The following TPST2 variants were observed in gnomAD, a reference collection of about 807,000 sequenced individuals.
TPST2 encodes tyrosylprotein sulfotransferase 2, also known as protein-tyrosine sulfotransferase 2.
TPST2 carries 16 observed loss-of-function variants against 27.8 expected under a neutral mutation model. The observed-to-expected ratio is 0.58, with a 90% CI of 0.39 to 0.88. The LOEUF is 0.88. Ranked by LOEUF, TPST2 falls within the 40% of genes least tolerant of loss-of-function variation. The probability of loss-of-function intolerance (pLI) is 0.00; values close to 1 mark genes in which losing one functional copy is unlikely to be tolerated. For missense variants in TPST2, 464 were observed against 543.1 expected, an observed-to-expected ratio of 0.85 and a Z score of 1.45; for synonymous variants, 229 against 231.7, an observed-to-expected ratio of 0.99 and a Z score of 0.10.
rs562169948 is a variant in TPST2 at position 26,537,865 on chromosome 22, GT to G, written c.843-1380del. Reference sequence around the variant, plus strand: ...CTGCAGCTGTAAAACAAATACGCTAGTTTTTTTTCCCCACTCAATACCTCAC... The same window carrying G: ...CTGCAGCTGTAAAACAAATACGCTAGTTTTTTTCCCCACTCAATACCTCAC... On this transcript the variant is annotated intron_variant, in intron 3 of 6. Coordinates refer to ENST00000338754, the MANE Select transcript of TPST2 (RefSeq NM_003595.5). 6.6e-5 allele frequency among the ~76,000 whole-genome samples: 10 copies of G among 152,092 alleles called. No individual in the cohort carries two copies. The South Asian group carries it at 8.3e-4, about 13-fold the overall frequency.
chr22:26,565,596 C>T (rs1228395214), intron 1 of TPST2: 1 of 152,228 alleles, frequency 6.6e-6, no homozygotes, highest in East Asian at 1.9e-4. Flanking sequence ...CAGAGGATGT[C>T]AGCCCCTGCC....
chr22:26,570,453 T>C (rs767574422), intron 1 of TPST2, among the ~76,000 whole-genome samples: 1 of 152,118 alleles, frequency 6.6e-6, no homozygotes, highest in South Asian at 2.1e-4. Flanking sequence ...TTCCTCTTTC[T>C]CTACAGCCCC....
chr22:26,572,651 C>CCT (rs1899650644), intron 1 of TPST2, among the ~76,000 whole-genome samples: 1 of 152,090 alleles, frequency 6.6e-6, no homozygotes, highest in African/African-American at 2.4e-5. Flanking sequence ...GCTCTACCCT[C>CCT]CTATGTCTCA....
chr22:26,586,994 G>A (rs902545315), intron 1 of TPST2, among the ~76,000 whole-genome samples: 6 of 152,228 alleles, frequency 3.9e-5, no homozygotes, highest in African/African-American at 1.4e-4. Context: ...GCTCATCTCA[G>A]GCCTGGGGGG....
intron 1 of TPST2, among the ~76,000 whole-genome samples, chr22:26,548,661 C>A (rs184656189): frequency 6.6e-5 from 10 of 152,062 alleles, no homozygotes. Context: ...TGCAAATATT[C>A]CAAACTCGGA....
chr22:26,556,945 G>A (rs905124188), intron 1 of TPST2, among the ~76,000 whole-genome samples: 1 of 152,258 alleles, frequency 6.6e-6, no homozygotes, highest in Non-Finnish European at 1.5e-5. Flanking sequence ...GTGGCCAGGA[G>A]CAGCGGCTCA....
intron 1 of TPST2, chr22:26,555,148 A>G: frequency 1.9e-6 from 1 of 532,220 alleles, no homozygotes. Flanking sequence ...CGTGGAGCTG[A>G]GGGAATTTGC....
rs1924713439 is a variant in TPST2 at position 26,524,356 on chromosome 22, A to G, written c.*1919T>C. ...GACCTCGTCTCTACAGAAAAAAAAA[A>G]ATTTAAAAAGTAGCCAGGTGTGGTG... On this transcript the variant is annotated 3_prime_UTR_variant, in exon 7 of 7. Coordinates refer to ENST00000338754, the MANE Select transcript of TPST2 (RefSeq NM_003595.5). The G allele has an allele frequency of 6.6e-6, 1 of 152,066 alleles. No individual in the cohort carries two copies. The highest frequency in any genetic ancestry group is 1.5e-5 in the Non-Finnish European group (1 of 68,048). 9.4% of individuals were successfully genotyped at this position (152,066 alleles called of 1,614,324 possible).
At chr22:26,551,883 C>CTTTTTTTTTT (rs1163793644) in intron 1 of TPST2, among the ~76,000 whole-genome samples, 19 of 66,428 alleles carry the variant, frequency 2.9e-4, no homozygotes, top group East Asian at 4.3e-4. Flanking sequence ...TTTTCTTTTT[C>CTTTTTTTTTT]TTTTTTTTTT....
At chr22:26,588,175 AG>A (rs1312107076) in intron 1 of TPST2, among the ~76,000 whole-genome samples, 1 of 145,000 alleles carries the variant, frequency 6.9e-6, no homozygotes, top group East Asian at 2.1e-4. Context: ...AATATTATGC[AG>A]CCATAAAAAG....
intron 1 of TPST2, among the ~76,000 whole-genome samples, chr22:26,548,409 G>T (rs936267820): frequency 1.3e-5 from 2 of 151,424 alleles, no homozygotes; most frequent in Admixed American, 1.3e-4. Context: ...TTGGGCTGAT[G>T]TGAGTATGAA....
rs1329996134 is a variant in TPST2, at chr22:26,536,089, T to C, written c.1041+199A>G. The C allele has an allele frequency of 5.3e-6, 4 of 748,438 alleles. No homozygotes were observed. In the Admixed American group the frequency reaches 6.0e-5, roughly 11 times the overall value. 46.4% of individuals were successfully genotyped at this position (748,438 alleles called of 1,614,324 possible). On this transcript the variant is annotated intron_variant, in intron 4 of 6. Coordinates refer to ENST00000338754, the MANE Select transcript of TPST2 (RefSeq NM_003595.5). ...TAGAGTATGAGAGACAGGCTACCAG[T>C]TGGCTTTGAGCTTCCCTGCAGCCCA...
In TPST2 at chr22:26,568,080, TCAACTGTTCACCGAAGGGCA is replaced by T. The variant is rs1402109318; in HGVS notation, c.-161+21953_-161+21972del. On this transcript the variant is annotated intron_variant, in intron 1 of 6. Coordinates refer to ENST00000338754, the MANE Select transcript of TPST2 (RefSeq NM_003595.5). Reference sequence around the variant, plus strand: ...GATTATACATCCATGAGAAATGCATTCAACTGTTCACCGAAGGGCACATATCAAAATGTTCCCGGTGGCAT... The same window carrying T: ...GATTATACATCCATGAGAAATGCATTCATATCAAAATGTTCCCGGTGGCAT... Among the ~76,000 whole-genome samples, 11 of 152,288 alleles carry T rather than the reference TCAACTGTTCACCGAAGGGCA, an allele frequency of 7.2e-5. 1 individual carries two copies. In the Middle Eastern group the frequency reaches 0.01, roughly 141 times the overall value.
At chr22:26,558,961 T>A (rs1183615327) in intron 1 of TPST2, among the ~76,000 whole-genome samples, 2 of 152,254 alleles carry the variant, frequency 1.3e-5, no homozygotes, top group Non-Finnish European at 2.9e-5. Context: ...GATCCTGACA[T>A]TATTTACAAT....
chr22:26,570,043 GACA>G (rs1927564588), intron 1 of TPST2, among the ~76,000 whole-genome samples: 2 of 128,142 alleles, frequency 1.6e-5, no homozygotes, highest in Non-Finnish European at 3.3e-5. Context: ...AAGAAAGAAA[GACA>G]GAAAGAAAGA....
chr22:26,552,879 G>A (rs1165140145), intron 1 of TPST2, among the ~76,000 whole-genome samples: 1 of 151,936 alleles, frequency 6.6e-6, no homozygotes, highest in Non-Finnish European at 1.5e-5. Flanking sequence ...GGCCAACATG[G>A]TGATACCCCA....
rs184600396 is a variant in TPST2, at chr22:26,579,394, G to C, written c.-161+10659C>G. On this transcript the variant is annotated intron_variant, in intron 1 of 6. Transcript: ENST00000338754. ...ATCTGCCGTCCTGCTGCTAGCCCAGGCTTCCTCTTCTTCCCCACAGCCCTG... is the reference window on the plus strand; with the variant it reads ...ATCTGCCGTCCTGCTGCTAGCCCAGCCTTCCTCTTCTTCCCCACAGCCCTG... 5.7e-3 allele frequency among the ~76,000 whole-genome samples: 873 copies of C among 152,332 alleles called. 6 individuals carry two copies. Among genetic ancestry groups the C allele is most frequent in the African/African-American group, 0.02 (829 of 41,592 alleles).
intron 1 of TPST2, among the ~76,000 whole-genome samples, chr22:26,554,829 T>C (rs186962383): frequency 1.2e-4 from 19 of 152,274 alleles, no homozygotes; most frequent in African/African-American, 4.6e-4. Flanking sequence ...TCCCAGCTAC[T>C]TGGGAGGCTG....
chr22:26,561,845 T>G (rs778080172), intron 1 of TPST2, among the ~76,000 whole-genome samples: 1 of 152,176 alleles, frequency 6.6e-6, no homozygotes, highest in Admixed American at 6.5e-5. Context: ...AGCATGACTT[T>G]GAAGCTGCAT....
Sources: allele counts gnomAD v4.1 joint callset (sites outside exome capture counted in the v4.1 genomes callset), GRCh38; gene constraint gnomAD v4.1.1; transcripts MANE v1.5; gene names NCBI Gene and HGNC (gene_info 2026-07-23, HGNC 2026-07-21).